Variants in NMT1 observed in about 807,000 individuals in gnomAD.
NMT1 encodes the protein N-myristoyltransferase 1.
In NMT1, 12 loss-of-function variants were observed where a neutral mutation model predicts 63.4. The observed-to-expected ratio is 0.19, with a 90% CI of 0.12 to 0.31. NMT1 has a LOEUF of 0.31. Among genes scored for constraint, NMT1 ranks in the 10% least tolerant of loss-of-function variants. The pLI is 1.00. For missense variants in NMT1, 432 were observed against 634.6 expected (o/e 0.68, Z 3.43); for synonymous variants, 228 against 234.3 (o/e 0.97, Z 0.25).
rs1285144548 is a variant in NMT1 at position 45,107,600 on chromosome 17, G to C, written c.*1961G>C. On this transcript the variant is annotated 3_prime_UTR_variant, in exon 12 of 12. Transcript: ENST00000258960. ...GCCCCAGAGTGGCTCACCCTGTCCA[G>C]ACCTTTGAGGATATCAAAGGACAAA... 1.3e-5 allele frequency: 2 copies of C among 152,550 alleles called. No homozygotes were observed. The highest frequency in any genetic ancestry group is 2.9e-5 in the Non-Finnish European group (2 of 68,056). 9.4% of individuals were successfully genotyped at this position (152,550 alleles called of 1,614,324 possible).
intron 1 of NMT1, among the ~76,000 whole-genome samples, chr17:45,062,843 T>A (rs577059144): frequency 3.5e-4 from 54 of 152,184 alleles, no homozygotes; most frequent in Non-Finnish European, 6.9e-4. Context: ...CATGACTGTA[T>A]TTAAGTGGTT....
rs1035759731 is a variant in NMT1 at position 45,103,232 on chromosome 17, T to A, written c.1164+111T>A. 3.8e-6 allele frequency: 4 copies of A among 1,050,304 alleles called. No homozygotes were observed. In the African/African-American group the frequency reaches 6.3e-5, roughly 17 times the overall value. The allele number at this position is 1,050,304 out of a possible 1,614,324, so 65.1% of individuals were successfully genotyped here. ...TTGGCACCTTAGACTTCCTTGACCA[T>A]CCGTGTTTGGTCCTCCCTAAAAACA... On this transcript the variant is annotated intron_variant, in intron 9 of 11. Coordinates refer to ENST00000258960, the MANE Select transcript of NMT1 (RefSeq NM_021079.5). The surrounding 1 kb of genome is among the most constrained non-coding windows in gnomAD (Gnocchi z 4.8).
In NMT1 at chr17:45,103,541, T is replaced by C. The variant is rs1438495764; in HGVS notation, c.1165-168T>C. Among the ~76,000 whole-genome samples the C allele has an allele frequency of 1.3e-5, 2 of 152,182 alleles. No individual in the cohort carries two copies. The highest frequency in any genetic ancestry group is 6.5e-5 in the Admixed American group (1 of 15,288). ...CCACGATCACGGCTCTGTCCTCAAG[T>C]GCCCTGAGCCAATGTCCCTCCTCCT... On this transcript the variant is annotated intron_variant, in intron 9 of 11. Transcript: ENST00000258960. The surrounding 1 kb of genome is among the most constrained non-coding windows in gnomAD (Gnocchi z 4.8).
At chr17:45,071,072 G>A (rs2053936538) in intron 1 of NMT1, among the ~76,000 whole-genome samples, 1 of 151,984 alleles carries the variant, frequency 6.6e-6, no homozygotes, top group Non-Finnish European at 1.5e-5. Context: ...ACCTCTCTTT[G>A]GTCTTTCTGA....
rs534066831 is a variant in NMT1 at position 45,103,234 on chromosome 17, C to T, written c.1164+113C>T. The T allele has an allele frequency of 5.8e-5, 59 of 1,014,918 alleles. 1 individual carries two copies. The highest frequency in any genetic ancestry group is 3.1e-4 in the South Asian group (19 of 62,098). 62.9% of individuals were successfully genotyped at this position (1,014,918 alleles called of 1,614,324 possible). On this transcript the variant is annotated intron_variant, in intron 9 of 11. Coordinates refer to ENST00000258960, the MANE Select transcript of NMT1 (RefSeq NM_021079.5). This position sits in a 1 kb window ranked among gnomAD's most constrained non-coding sequence, Gnocchi z 4.8. ...GGCACCTTAGACTTCCTTGACCATCCGTGTTTGGTCCTCCCTAAAAACAGG... is the reference window on the plus strand; with the variant it reads ...GGCACCTTAGACTTCCTTGACCATCTGTGTTTGGTCCTCCCTAAAAACAGG...
chr17:45,084,109 A>G (rs1567866153), intron 2 of NMT1, among the ~76,000 whole-genome samples: 1 of 152,234 alleles, frequency 6.6e-6, no homozygotes, highest in Non-Finnish European at 1.5e-5. Flanking sequence ...AAGCCATAAA[A>G]CAGAAATTGA....
intron 1 of NMT1, among the ~76,000 whole-genome samples, chr17:45,076,878 A>T (rs2053981064): frequency 6.6e-6 from 1 of 152,222 alleles, no homozygotes. Context: ...ATATAAAGAA[A>T]ATGAAATTTG....
Position 45,096,212 on chromosome 17 carries a change from C to T in NMT1, c.523C>T (p.Leu175Phe). The T allele has an allele frequency of 6.2e-7, 1 of 1,613,798 alleles. No homozygotes were observed. Among genetic ancestry groups the T allele is most frequent in the Non-Finnish European group, 8.5e-7 (1 of 1,179,688 alleles). Residue 175 changes from leucine to phenylalanine, a missense_variant, in exon 5 of 12, where the codon CTC becomes TTC. Leu to Phe is a conservative substitution (Grantham distance 22, BLOSUM62 0). Coordinates refer to ENST00000258960, the MANE Select transcript of NMT1 (RefSeq NM_021079.5). ...TTTACAGCTAAAAGAACTGTACACC[C>T]TCCTGAATGAGAACTATGTGGAAGA... ...DRGVLKELYT[L>F]LNENYVEDDD...
rs532480413 is a variant in NMT1, at chr17:45,098,200, G to A, written c.714-182G>A. ...TCCTTTGGAAATAGATTCTGTTGAA[G>A]TGAGGCAGGCTCCTTGCCTGGTGGA... On this transcript the variant is annotated intron_variant, in intron 6 of 11. Transcript: ENST00000258960. Among the ~76,000 whole-genome samples the A allele has an allele frequency of 2.0e-5, 3 of 152,302 alleles. No individual in the cohort carries two copies. The East Asian group carries it at 5.8e-4, about 29-fold the overall frequency.
Position 45,098,445 on chromosome 17 carries a change from T to C in NMT1, c.777T>C (p.Val259=). 1 of 1,614,150 alleles carries C rather than the reference T, an allele frequency of 6.2e-7. No homozygotes were observed. Among genetic ancestry groups the C allele is most frequent in the Non-Finnish European group, 8.5e-7 (1 of 1,179,998 alleles). Residue 259 remains valine, a synonymous_variant, in exon 7 of 12, where the codon GTT becomes GTC. Coordinates refer to ENST00000258960, the MANE Select transcript of NMT1 (RefSeq NM_021079.5). ...ACAAGAAGCTGCGTTCCAAGAGGGT[T>C]GCTCCAGTTCTGATCCGAGAGATCA... The part of the protein sequence containing the change: ...CVHKKLRSKR[V]APVLIREITR...
chr17:45,103,582 T>G lies in NMT1; in HGVS notation c.1165-127T>G. 1 of 938,838 alleles carries G rather than the reference T, an allele frequency of 1.1e-6. No individual in the cohort carries two copies. Among genetic ancestry groups the G allele is most frequent in the Non-Finnish European group, 1.6e-6 (1 of 616,936 alleles). 58.2% of individuals were successfully genotyped at this position (938,838 alleles called of 1,614,324 possible). Reference sequence around the variant, plus strand: ...CCCTCCTCCTCCCCACATGTCCTGTTGCAGTTTCCAGCCATTTATCTAGAG... The same window carrying G: ...CCCTCCTCCTCCCCACATGTCCTGTGGCAGTTTCCAGCCATTTATCTAGAG... On this transcript the variant is annotated intron_variant, in intron 9 of 11. Transcript: ENST00000258960. The surrounding 1 kb of genome is among the most constrained non-coding windows in gnomAD (Gnocchi z 4.8).
chr17:45,101,388 G>T (rs944790333), intron 8 of NMT1, among the ~76,000 whole-genome samples: 3 of 150,462 alleles, frequency 2.0e-5, no homozygotes, highest in African/African-American at 7.3e-5. Context: ...ACTTTGGCAG[G>T]ACAAGGCGGG....
At chr17:45,099,271 G>C in intron 7 of NMT1, 134 bp from the exon 8 acceptor site, 1 of 679,918 alleles carries the variant, frequency 1.5e-6, no homozygotes, top group Non-Finnish European at 2.8e-6. Flanking sequence ...TGGAGAGCAG[G>C]GTGACACCAC....
chr17:45,099,853 G>A (rs574677791), intron 8 of NMT1: 14 of 252,702 alleles, frequency 5.5e-5, no homozygotes, highest in African/African-American at 1.1e-4. Flanking sequence ...ACACGGCAGC[G>A]CGTTCCAAAG....
chr17:45,091,237 C>T (rs558559391), intron 3 of NMT1, among the ~76,000 whole-genome samples: 2,289 of 148,412 alleles, frequency 0.015, 30 homozygotes, highest in East Asian at 0.054. Flanking sequence ...CACACACACA[C>T]GTCCCATAGC....
chr17:45,066,910 G>A (rs1265320372), intron 1 of NMT1, among the ~76,000 whole-genome samples: 2 of 152,012 alleles, frequency 1.3e-5, no homozygotes, highest in African/African-American at 4.8e-5. Context: ...TGTAGAGATG[G>A]GGTCTCACTA....
At position 45,108,837 on chromosome 17, in the gene NMT1, G is replaced by A. The variant is rs1386562475; in HGVS notation, c.*3198G>A. The stretch of plus-strand genomic sequence containing the variant: ...CCATTAAATTAAAAAATACTGACTG[G>A]CTGGCAGGCAGGTGCCATGTCTGGG... On this transcript the variant is annotated 3_prime_UTR_variant, in exon 12 of 12. Transcript: ENST00000258960. 1 of 152,410 alleles carries A rather than the reference G, an allele frequency of 6.6e-6. No individual in the cohort carries two copies. Among genetic ancestry groups the A allele is most frequent in the African/African-American group, 2.4e-5 (1 of 41,438 alleles). 9.4% of individuals were successfully genotyped at this position (152,410 alleles called of 1,614,324 possible).
At chr17:45,084,629 G>C (rs980027722) in intron 2 of NMT1, among the ~76,000 whole-genome samples, 1 of 151,394 alleles carries the variant, frequency 6.6e-6, no homozygotes, top group Non-Finnish European at 1.5e-5. Context: ...CACCGCGCCC[G>C]GCCACTTTTT....
At chr17:45,068,819 G>A (rs925210041) in intron 1 of NMT1, among the ~76,000 whole-genome samples, 2 of 152,066 alleles carry the variant, frequency 1.3e-5, no homozygotes, top group Non-Finnish European at 2.9e-5. Context: ...GCTAATTTCT[G>A]TATTTTTAAT....
Sources: gnomAD v4.1 joint callset for allele counts (sites outside exome capture counted in the v4.1 genomes callset) on GRCh38, gnomAD v4.1.1 for gene constraint, Gnocchi (gnomAD v3.1) non-coding constraint, MANE v1.5 for transcripts, NCBI Gene and HGNC (gene_info 2026-07-23, HGNC 2026-07-21) for gene names.